MLLT3: variants seen among roughly 807,000 people sequenced by gnomAD.
MLLT3 encodes protein AF-9.
Under a neutral mutation model 53.2 loss-of-function variants are expected in MLLT3, and 4 were observed. The observed-to-expected ratio is 0.08, with a 90% CI of 0.04 to 0.17. The LOEUF is 0.17. Among genes scored for constraint, MLLT3 ranks in the 10% least tolerant of loss-of-function variants. The probability of loss-of-function intolerance (pLI) is 1.00; values close to 1 mark genes in which losing one functional copy is unlikely to be tolerated. For missense variants in MLLT3, 569 were observed against 684.0 expected (o/e 0.83, Z 1.87); for synonymous variants, 283 against 230.6 (o/e 1.23, Z -2.06).
chr9:20,530,867 G>A (rs925672797), intron 2 of MLLT3, among the ~76,000 whole-genome samples: 1 of 152,144 alleles, frequency 6.6e-6, no homozygotes, highest in Non-Finnish European at 1.5e-5. Context: ...CTTATCTCAA[G>A]TGATCGGCCC....
intron 4 of MLLT3, among the ~76,000 whole-genome samples, chr9:20,444,429 A>G (rs974110560): frequency 2.6e-5 from 4 of 152,192 alleles, no homozygotes; most frequent in African/African-American, 9.6e-5. Context: ...CCCTCTACCA[A>G]TCAAAGAATA....
At chr9:20,387,320 T>C (rs979429859) in intron 5 of MLLT3, among the ~76,000 whole-genome samples, 2 of 152,230 alleles carry the variant, frequency 1.3e-5, no homozygotes, top group Non-Finnish European at 2.9e-5. Context: ...TTTTTGCTGA[T>C]CCCTGCTCCA....
rs1423545890 is a variant in MLLT3 at position 20,448,050 on chromosome 9, T to C, written c.420+73A>G. The C allele has an allele frequency of 2.7e-6, 4 of 1,493,774 alleles. No individual in the cohort carries two copies. In the African/African-American group the frequency reaches 4.5e-5, roughly 17 times the overall value. 92.5% of individuals were successfully genotyped at this position (1,493,774 alleles called of 1,614,324 possible). ...TTATACTTTTTAACACATGAGGAAC[T>C]AGTTTGTTTGTTTTTTTTTTTGTTG... On this transcript the variant is annotated intron_variant, in intron 4 of 10. Transcript: ENST00000380338. This position sits in a 1 kb window ranked among gnomAD's most constrained non-coding sequence, Gnocchi z 4.0.
chr9:20,483,601 A>T (rs1402753429), intron 2 of MLLT3, among the ~76,000 whole-genome samples: 1 of 151,820 alleles, frequency 6.6e-6, no homozygotes, highest in African/African-American at 2.4e-5. Context: ...ACCACCAGCA[A>T]ACTGTTAATA....
chr9:20,565,283 G>C (rs781231733), intron 2 of MLLT3, among the ~76,000 whole-genome samples: 4 of 152,038 alleles, frequency 2.6e-5, no homozygotes, highest in Non-Finnish European at 5.9e-5. Flanking sequence ...GGTTCCGCTA[G>C]GTTATCAGCT....
intron 2 of MLLT3, among the ~76,000 whole-genome samples, chr9:20,567,322 A>T (rs919021586): frequency 1.3e-5 from 2 of 150,970 alleles, no homozygotes; most frequent in African/African-American, 4.8e-5. Flanking sequence ...AAAAAAAAAA[A>T]AAAAAACACA....
intron 2 of MLLT3, among the ~76,000 whole-genome samples, chr9:20,535,568 G>C (rs1182408362): frequency 6.6e-6 from 1 of 152,072 alleles, no homozygotes; most frequent in Non-Finnish European, 1.5e-5. Flanking sequence ...TAAAATATTT[G>C]AGTAATGAGA....
At chr9:20,535,353 C>T (rs1253410398) in intron 2 of MLLT3, among the ~76,000 whole-genome samples, 1 of 152,142 alleles carries the variant, frequency 6.6e-6, no homozygotes, top group East Asian at 1.9e-4. Flanking sequence ...TGAAACCAGT[C>T]CCTGGTGCCA....
intron 7 of MLLT3, among the ~76,000 whole-genome samples, chr9:20,361,320 T>C (rs1048949199): frequency 6.6e-6 from 1 of 152,196 alleles, no homozygotes; most frequent in Admixed American, 6.5e-5. Flanking sequence ...CCTCCCTCTC[T>C]GTTACAGATG....
chr9:20,556,837 C>T (rs569807945), intron 2 of MLLT3, among the ~76,000 whole-genome samples: 1 of 152,006 alleles, frequency 6.6e-6, no homozygotes, highest in South Asian at 2.1e-4. Context: ...TTTTCATCAG[C>T]TCTACTTAAG....
At chr9:20,413,689 G>C in intron 5 of MLLT3, 32 bp downstream of exon 5, 3 of 1,502,342 alleles carry the variant, frequency 2.0e-6, no homozygotes, top group Non-Finnish European at 2.7e-6. Context: ...TGAAAATAAG[G>C]GAAAGGAAGA....
At chr9:20,595,472 C>T (rs1820238960) in intron 2 of MLLT3, among the ~76,000 whole-genome samples, 1 of 151,868 alleles carries the variant, frequency 6.6e-6, no homozygotes, top group East Asian at 1.9e-4. Context: ...ACTAAGTTAT[C>T]CATAAAATCA....
chr9:20,621,081 G>C lies in MLLT3; in HGVS notation c.13-247C>G. On this transcript the variant is annotated intron_variant, in intron 1 of 10. Coordinates refer to ENST00000380338, the MANE Select transcript of MLLT3 (RefSeq NM_004529.4). The surrounding 1 kb of genome is among the most constrained non-coding windows in gnomAD (Gnocchi z 7.0). ...CATCTACATCGGACAGGATTGTAAC[G>C]GAATGTTATCCCCAGTCGGGAAGGG... is the stretch of plus-strand genomic sequence containing the variant. 1 of 641,110 alleles carries C rather than the reference G, an allele frequency of 1.6e-6. No homozygotes were observed. The highest frequency in any genetic ancestry group is 2.4e-5 in the Admixed American group (1 of 41,646). 39.7% of individuals were successfully genotyped at this position (641,110 alleles called of 1,614,324 possible).
intron 4 of MLLT3, among the ~76,000 whole-genome samples, chr9:20,424,975 A>G (rs886091440): frequency 1.7e-4 from 26 of 152,306 alleles, no homozygotes; most frequent in African/African-American, 6.3e-4. Flanking sequence ...GCTTTCTATT[A>G]CTACCACCAC....
At chr9:20,592,573 C>T (rs1350334030) in intron 2 of MLLT3, among the ~76,000 whole-genome samples, 1 of 152,192 alleles carries the variant, frequency 6.6e-6, no homozygotes, top group Non-Finnish European at 1.5e-5. Flanking sequence ...AAGGATTCTA[C>T]CTCCAAATAG....
intron 2 of MLLT3, among the ~76,000 whole-genome samples, chr9:20,619,018 T>C (rs1270814854): frequency 6.6e-6 from 1 of 152,174 alleles, no homozygotes; most frequent in Non-Finnish European, 1.5e-5. Context: ...CCAAGGATCT[T>C]AGAAAGTGGT....
chr9:20,598,455 C>T (rs181737096), intron 2 of MLLT3, among the ~76,000 whole-genome samples: 2 of 152,314 alleles, frequency 1.3e-5, no homozygotes, highest in Admixed American at 1.3e-4. Context: ...GGATGTGCAA[C>T]ATAAGGCATT....
In MLLT3 at chr9:20,344,392, T is replaced by C. The variant is rs1820813084; in HGVS notation, c.*2051A>G. 1 of 208,234 alleles carries C rather than the reference T, an allele frequency of 4.8e-6. No homozygotes were observed. Among genetic ancestry groups the C allele is most frequent in the Admixed American group, 5.9e-5 (1 of 16,950 alleles). The allele number at this position is 208,234 out of a possible 1,614,324, so 12.9% of individuals were successfully genotyped here. A position where few individuals can be genotyped will look rare whatever the true frequency, so the allele number is the denominator to read the frequency against. On this transcript the variant is annotated 3_prime_UTR_variant, in exon 11 of 11. Coordinates refer to ENST00000380338, the MANE Select transcript of MLLT3 (RefSeq NM_004529.4). ...TAGCAGTTAGAAATTTTAAAATATT[T>C]TAAAAATTTGCAACATTTCCATATA...
At chr9:20,571,489 A>T (rs1196484723) in intron 2 of MLLT3, among the ~76,000 whole-genome samples, 1 of 152,202 alleles carries the variant, frequency 6.6e-6, no homozygotes, top group Non-Finnish European at 1.5e-5. Flanking sequence ...TGTGCAGAAC[A>T]TGCAGGTTTG....
Sources: gnomAD v4.1 joint callset for allele counts (sites outside exome capture counted in the v4.1 genomes callset) on GRCh38, gnomAD v4.1.1 for gene constraint, Gnocchi (gnomAD v3.1) non-coding constraint, MANE v1.5 for transcripts, NCBI Gene and HGNC (gene_info 2026-07-23, HGNC 2026-07-21) for gene names.